The following SLC12A6 variants were observed in gnomAD, a reference collection of about 807,000 sequenced individuals.
SLC12A6 encodes the protein solute carrier family 12 member 6, also known as K-Cl cotransporter 3.
SLC12A6 carries 66 observed loss-of-function variants against 135.3 expected under a neutral mutation model. That is an observed-to-expected ratio of 0.49 (90% confidence interval 0.40 to 0.60). The LOEUF is 0.60. Among genes scored for constraint, SLC12A6 ranks in the 20% least tolerant of loss-of-function variants. SLC12A6 has a pLI of 0.00. For synonymous variants in SLC12A6, 513 were observed against 508.8 expected (o/e 1.01, Z -0.11); for missense variants, 1,058 against 1,452.3 (o/e 0.73, Z 4.41).
At chr15:34,248,041 A>C (rs1892122234) in intron 13 of SLC12A6, among the ~76,000 whole-genome samples, 1 of 152,124 alleles carries the variant, frequency 6.6e-6, no homozygotes, top group Non-Finnish European at 1.5e-5. Context: ...TACCGTTTTA[A>C]AACTTTATAT....
At position 34,236,688 on chromosome 15, in the gene SLC12A6, T is replaced by C; in HGVS notation, c.3042+20A>G. The C allele has an allele frequency of 7.7e-7, 1 of 1,292,876 alleles. No homozygotes were observed. Among genetic ancestry groups the C allele is most frequent in the Non-Finnish European group, 1.1e-6 (1 of 885,054 alleles). 80.1% of individuals were successfully genotyped at this position (1,292,876 alleles called of 1,614,324 possible). ...CAGACTTTAGAGAGCACGGATTGGA[T>C]TGATGCAGTAATGTCTCACCTCTCT... On this transcript the variant is annotated intron_variant, in intron 23 of 25. Coordinates refer to ENST00000354181, the MANE Select transcript of SLC12A6 (RefSeq NM_001365088.1).
intron 12 of SLC12A6, 77 bp from the exon 13 acceptor site, chr15:34,250,432 T>G (rs1433876858): frequency 1.4e-5 from 14 of 975,508 alleles, no homozygotes; most frequent in South Asian, 6.4e-5. Flanking sequence ...GTAGACACTT[T>G]CTTCTGTCAG....
chr15:34,259,280 G>A (rs1892953818), intron 4 of SLC12A6, among the ~76,000 whole-genome samples: 1 of 151,792 alleles, frequency 6.6e-6, no homozygotes, highest in Non-Finnish European at 1.5e-5. Flanking sequence ...GGCAGAAGTT[G>A]CAGTGAGCCG....
intron 2 of SLC12A6, among the ~76,000 whole-genome samples, chr15:34,287,093 T>G (rs2140946554): frequency 6.6e-6 from 1 of 152,252 alleles, no homozygotes; most frequent in South Asian, 2.1e-4. Flanking sequence ...GCTGCACCCA[T>G]CAACCCGTCA....
At chr15:34,332,916 G>A (rs1889950120) in intron 2 of SLC12A6, among the ~76,000 whole-genome samples, 1 of 152,108 alleles carries the variant, frequency 6.6e-6, no homozygotes, top group African/African-American at 2.4e-5. Flanking sequence ...ATGCAAGAAA[G>A]AGCACTAGAT....
chr15:34,280,172 C>G (rs1894580881), intron 2 of SLC12A6, among the ~76,000 whole-genome samples: 1 of 152,204 alleles, frequency 6.6e-6, no homozygotes, highest in Admixed American at 6.5e-5. Flanking sequence ...TGTTTACCAT[C>G]ATTGGCAGAC....
chr15:34,318,691 A>G lies in SLC12A6; in HGVS notation c.271+17719T>C, dbSNP rs770226398. On this transcript the variant is annotated intron_variant, in intron 2 of 25. Transcript: ENST00000354181. ...TAAAATGTGGCATTGTTATAGTTAG[A>G]TAATACTTTGCTCTTTCTGTATTTA... 1.3e-5 allele frequency: 21 copies of G among 1,613,540 alleles called. No individual in the cohort carries two copies. In the African/African-American group the frequency reaches 2.5e-4, roughly 19 times the overall value.
intron 16 of SLC12A6, among the ~76,000 whole-genome samples, chr15:34,242,898 C>T (rs1267281835): frequency 4.6e-5 from 7 of 152,044 alleles, no homozygotes; most frequent in African/African-American, 7.2e-5. Context: ...GGTGTGGTGA[C>T]GGGCGCCTGT....
At chr15:34,252,421 G>GA (rs746176469) in intron 9 of SLC12A6, 37 bp from the exon 10 acceptor site, 1 of 1,239,072 alleles carries the variant, frequency 8.1e-7, no homozygotes, top group Non-Finnish European at 1.2e-6. Context: ...ATCAAGTAAG[G>GA]AAAAAAAGTA....
chr15:34,298,247 C>T (rs1338841653), intron 2 of SLC12A6, among the ~76,000 whole-genome samples: 3 of 152,064 alleles, frequency 2.0e-5, no homozygotes, highest in Non-Finnish European at 4.4e-5. Context: ...GAGGCCGAGG[C>T]AGGTGGATCA....
chr15:34,321,451 A>G (rs1209594731), intron 2 of SLC12A6, among the ~76,000 whole-genome samples: 2 of 152,234 alleles, frequency 1.3e-5, no homozygotes, highest in Admixed American at 6.5e-5. Flanking sequence ...TTATCACTAC[A>G]CTCACCAAGA....
At chr15:34,317,627 C>T (rs937386474) in intron 2 of SLC12A6, among the ~76,000 whole-genome samples, 3 of 152,076 alleles carry the variant, frequency 2.0e-5, no homozygotes, top group Non-Finnish European at 2.9e-5. Flanking sequence ...CGCTTGAACT[C>T]GAGAGGCGGA....
rs1891003189 is a variant in SLC12A6, at chr15:34,232,331, G to A, written c.*1550C>T. 6.6e-6 allele frequency: 1 copy of A among 152,250 alleles called. No individual in the cohort carries two copies. The highest frequency in any genetic ancestry group is 2.4e-5 in the African/African-American group (1 of 41,452). The allele number at this position is 152,250 out of a possible 1,614,324, so 9.4% of individuals were successfully genotyped here. ...CAACCTCCGCCTCCTGGGTTCAAAT[G>A]ATCCTCCTGCCTTAGCCTTCCGTGT... is the stretch of plus-strand genomic sequence containing the variant. On this transcript the variant is annotated 3_prime_UTR_variant, in exon 26 of 26. Coordinates refer to ENST00000354181, the MANE Select transcript of SLC12A6 (RefSeq NM_001365088.1).
intron 2 of SLC12A6, among the ~76,000 whole-genome samples, chr15:34,320,481 G>A (rs557905627): frequency 2.0e-4 from 30 of 152,210 alleles, no homozygotes; most frequent in African/African-American, 7.2e-4. Flanking sequence ...GTTACCAGAG[G>A]CTAGGAAGGG....
chr15:34,243,778 G>C lies in SLC12A6; in HGVS notation c.2042+196C>G, dbSNP rs1033905875. Among the ~76,000 whole-genome samples the C allele has an allele frequency of 2.0e-5, 3 of 152,216 alleles. No homozygotes were observed. In the East Asian group the frequency reaches 5.8e-4, roughly 29 times the overall value. ...TGCTTTTGCTCTATTCGTATTGGGTGTTATAAGTTATTATAAAGTGATATA... is the reference window on the plus strand; with the variant it reads ...TGCTTTTGCTCTATTCGTATTGGGTCTTATAAGTTATTATAAAGTGATATA... On this transcript the variant is annotated intron_variant, in intron 16 of 25. Coordinates refer to ENST00000354181, the MANE Select transcript of SLC12A6 (RefSeq NM_001365088.1).
At chr15:34,323,304 A>G (rs1889244116) in intron 2 of SLC12A6, among the ~76,000 whole-genome samples, 1 of 152,136 alleles carries the variant, frequency 6.6e-6, no homozygotes, top group Admixed American at 6.5e-5. Context: ...TAAAATCACA[A>G]TTTAAAACAA....
chr15:34,241,281 A>T lies in SLC12A6; in HGVS notation c.2219T>A (p.Phe740Tyr). Reference protein sequence around the residue: ...IRGLSLSAARFALLRLEEGPP... With the variant: ...IRGLSLSAARYALLRLEEGPP... ...TCCTTCCTCCAATCGAAGCAAAGCA[A>T]ACCGGGCTGCACTGAGGGACAGCCC... The change falls in exon 18 of 26, where the codon TTT (phenylalanine) becomes TAT (tyrosine). Residue 740 changes from phenylalanine to tyrosine, a missense_variant. By Grantham distance (22) the Phe-to-Tyr change is conservative. This residue lies in a region of SLC12A6 where 170 missense variants were observed against 297.6 expected (regional missense o/e 0.57). Transcript: ENST00000354181. The T allele has an allele frequency of 6.2e-7, 1 of 1,612,406 alleles. No individual in the cohort carries two copies. The highest frequency in any genetic ancestry group is 2.2e-5 in the East Asian group (1 of 44,878).
chr15:34,306,373 T>C (rs1008867625), intron 2 of SLC12A6, among the ~76,000 whole-genome samples: 10 of 152,234 alleles, frequency 6.6e-5, no homozygotes, highest in African/African-American at 2.4e-4. Context: ...CTCAGACCCA[T>C]GGCTCTTTCC....
chr15:34,302,678 C>T (rs1896335291), intron 2 of SLC12A6, among the ~76,000 whole-genome samples: 1 of 150,032 alleles, frequency 6.7e-6, no homozygotes, highest in Non-Finnish European at 1.5e-5. Context: ...CTGGGTGACA[C>T]AGTGGCTCAT....
Sources: allele counts gnomAD v4.1 joint callset (sites outside exome capture counted in the v4.1 genomes callset), GRCh38; gene constraint gnomAD v4.1.1; regional missense constraint gnomAD v4.1.1; transcripts MANE v1.5; gene names NCBI Gene and HGNC (gene_info 2026-07-23, HGNC 2026-07-21).